Variants in KIFC3 observed in about 807,000 individuals in gnomAD.
KIFC3 encodes the protein kinesin family member C3, also known as kinesin-like protein KIFC3.
A neutral mutation model predicts 101.8 loss-of-function variants in KIFC3; 60 were observed. The ratio of observed to expected loss-of-function variants is 0.59; its 90% CI spans 0.48 to 0.73. The LOEUF is 0.73. Among genes scored for constraint, KIFC3 ranks in the 30% least tolerant of loss-of-function variants. The probability of loss-of-function intolerance (pLI) is 0.00; values close to 1 mark genes in which losing one functional copy is unlikely to be tolerated. For missense variants in KIFC3, 966 were observed against 1,137.1 expected, an observed-to-expected ratio of 0.85 and a Z score of 2.16; for synonymous variants, 476 against 482.7, an observed-to-expected ratio of 0.99 and a Z score of 0.18.
At position 57,838,317 on chromosome 16, in the gene KIFC3, G is replaced by A. The variant is rs528423833; in HGVS notation, c.108+24412C>T. On this transcript the variant is annotated intron_variant, in intron 1 of 2. Coordinates refer to the KIFC3 transcript ENST00000563028. Reference sequence around the variant, plus strand: ...GAGATTCAAAATTCATGCGCCCTGCGAACTACACAGCATATACTAGTGGCA... The same window carrying A: ...GAGATTCAAAATTCATGCGCCCTGCAAACTACACAGCATATACTAGTGGCA... 1.4e-4 allele frequency among the ~76,000 whole-genome samples: 22 copies of A among 152,234 alleles called. No homozygotes were observed. In the South Asian group the frequency reaches 4.1e-3, roughly 29 times the overall value.
chr16:57,817,590 G>T (rs570235737), intron 1 of KIFC3, among the ~76,000 whole-genome samples: 2 of 152,194 alleles, frequency 1.3e-5, no homozygotes, highest in South Asian at 2.1e-4. Flanking sequence ...TGCACATGGT[G>T]TTCTCTCTGT....
chr16:57,798,243 TGG>T lies in KIFC3; in HGVS notation c.-2_-1del. The T allele has an allele frequency of 1.3e-6, 2 of 1,552,070 alleles. No homozygotes were observed. On this transcript the variant is annotated 5_prime_UTR_variant, in exon 2 of 20. Transcript: ENST00000445690. ...TTCCACGTCCTGCGAGAGGGGACCATGGCCTGGGGCTCAGCAGCCTCCTCGGG... is the reference window on the plus strand; with the variant it reads ...TTCCACGTCCTGCGAGAGGGGACCATCCTGGGGCTCAGCAGCCTCCTCGGG...
At chr16:57,793,246 A>G (rs2149181269) in intron 3 of KIFC3, among the ~76,000 whole-genome samples, 1 of 151,836 alleles carries the variant, frequency 6.6e-6, no homozygotes, top group Non-Finnish European at 1.5e-5. Flanking sequence ...CAATCATGCC[A>G]CTGCACTCCA....
chr16:57,828,936 T>C (rs568347172), intron 1 of KIFC3, among the ~76,000 whole-genome samples: 27 of 152,230 alleles, frequency 1.8e-4, no homozygotes, highest in African/African-American at 5.5e-4. Context: ...AAACAGATGC[T>C]GTTGCTATAC....
Position 57,815,946 on chromosome 16 carries a change from G to T in KIFC3, c.109-17664C>A, listed in dbSNP as rs576219294. Among the ~76,000 whole-genome samples, 5 of 152,318 alleles carry T rather than the reference G, an allele frequency of 3.3e-5. No homozygotes were observed. In the East Asian group the frequency reaches 9.7e-4, roughly 29 times the overall value. On this transcript the variant is annotated intron_variant, in intron 1 of 2. Coordinates refer to the KIFC3 transcript ENST00000563028. ...CGGGGTCCATTTGAGGATGAACTCG[G>T]CTGGGTCACCCCTGCTACAAACAGG...
At chr16:57,789,498 C>T (rs1457295261) in intron 3 of KIFC3, among the ~76,000 whole-genome samples, 1 of 152,182 alleles carries the variant, frequency 6.6e-6, no homozygotes, top group African/African-American at 2.4e-5. Flanking sequence ...GGCATAGAGA[C>T]AAATCTAGAG....
chr16:57,775,547 A>C, intron 3 of KIFC3: 1 of 986,354 alleles, frequency 1.0e-6, no homozygotes, highest in South Asian at 4.7e-5. Flanking sequence ...GGGAAAGCGG[A>C]TGGAAGATGG....
chr16:57,845,789 G>A (rs1742357326), intron 1 of KIFC3, among the ~76,000 whole-genome samples: 1 of 152,178 alleles, frequency 6.6e-6, no homozygotes, highest in African/African-American at 2.4e-5. Context: ...CCTTCCAACA[G>A]ACAAAATGTT....
intron 3 of KIFC3, among the ~76,000 whole-genome samples, chr16:57,786,097 G>A (rs782719063): frequency 2.9e-4 from 44 of 152,284 alleles, no homozygotes; most frequent in Non-Finnish European, 4.7e-4. Context: ...CAGAAGAGTG[G>A]GGCTCCCCAG....
intron 3 of KIFC3, among the ~76,000 whole-genome samples, chr16:57,781,353 T>C (rs1555614556): frequency 1.3e-5 from 2 of 152,236 alleles, no homozygotes; most frequent in South Asian, 4.1e-4. Context: ...GGGCAGCATG[T>C]CACATTATTG....
intron 2 of KIFC3, chr16:57,797,785 G>C (rs1598152612): frequency 7.5e-7 from 1 of 1,338,792 alleles, no homozygotes; most frequent in Non-Finnish European, 9.6e-7. Context: ...GCTCTGACCA[G>C]CTTGGCCAGA....
At chr16:57,803,038 C>T (rs1356491007), upstream of KIFC3, 18 of 1,535,846 alleles carry the variant, frequency 1.2e-5, no homozygotes, top group East Asian at 2.4e-5. Context: ...ACAGCGCACA[C>T]GCTCTCACTC....
At chr16:57,801,364 G>C (rs1236659871) in intron 1 of KIFC3, among the ~76,000 whole-genome samples, 1 of 152,160 alleles carries the variant, frequency 6.6e-6, no homozygotes, top group African/African-American at 2.4e-5. Flanking sequence ...CATCTATCCT[G>C]GGCTTTCCAG....
intron 10 of KIFC3, 128 bp downstream of exon 10, chr16:57,766,746 T>C (rs901065969): frequency 1.4e-5 from 9 of 623,980 alleles, no homozygotes; most frequent in South Asian, 7.9e-5. Context: ...TCTCTGTGCC[T>C]CTGTTTCCTT....
intron 1 of KIFC3, among the ~76,000 whole-genome samples, chr16:57,800,922 C>G (rs2911352): frequency 0.69 from 105,527 of 151,966 alleles, 39,771 homozygotes; most frequent in Non-Finnish European, 0.85. Flanking sequence ...GGTTCAGAAC[C>G]TGGCTCCCCT....
intron 2 of KIFC3, 26 bp downstream of exon 2, chr16:57,798,046 G>A (rs782561401): frequency 2.5e-6 from 4 of 1,579,668 alleles, no homozygotes; most frequent in Admixed American, 1.8e-5. Context: ...GGGAAATAAA[G>A]AGGCATTTTA....
chr16:57,767,125 A>G, intron 9 of KIFC3, 140 bp from the exon 10 acceptor site: 1 of 651,034 alleles, frequency 1.5e-6, no homozygotes, highest in Non-Finnish European at 2.7e-6. Flanking sequence ...AGACTGTCCC[A>G]ATCACCCCTC....
At chr16:57,795,726 A>G (rs1201996330) in intron 2 of KIFC3, among the ~76,000 whole-genome samples, 1 of 151,740 alleles carries the variant, frequency 6.6e-6, no homozygotes, top group Non-Finnish European at 1.5e-5. Flanking sequence ...ACCCACCTCC[A>G]CCTGCAGGGC....
chr16:57,811,097 C>T (rs1295509842), intron 1 of KIFC3, among the ~76,000 whole-genome samples: 1 of 152,200 alleles, frequency 6.6e-6, no homozygotes, highest in Non-Finnish European at 1.5e-5. Flanking sequence ...AAGCCTGATC[C>T]AAGGGCAGGA....
Sources: gnomAD v4.1 joint callset for allele counts (sites outside exome capture counted in the v4.1 genomes callset) on GRCh38, gnomAD v4.1.1 for gene constraint, MANE v1.5 for transcripts, NCBI Gene and HGNC (gene_info 2026-07-23, HGNC 2026-07-21) for gene names.